The following DNAJC12 variants were observed in gnomAD, a reference collection of about 807,000 sequenced individuals.
DNAJC12 encodes the protein dnaJ homolog subfamily C member 12.
DNAJC12 carries 25 observed loss-of-function variants against 28.5 expected under a neutral mutation model. The ratio of observed to expected loss-of-function variants is 0.88; its 90% CI spans 0.64 to 1.22. DNAJC12 has a LOEUF of 1.22. Among genes scored for constraint, DNAJC12 ranks in the 50% most tolerant of loss-of-function variants. The pLI is 0.00. For missense variants in DNAJC12, 222 were observed against 231.7 expected (o/e 0.96, Z 0.27); for synonymous variants, 77 against 80.6 (o/e 0.95, Z 0.24).
chr10:67,815,968 A>C (rs1271046472), intron 2 of DNAJC12: 3 of 397,636 alleles, frequency 7.5e-6, no homozygotes, highest in African/African-American at 6.2e-5. Context: ...ATTTAACAAA[A>C]GTGAGTTTGG....
At chr10:67,834,316 A>G (rs1040178096) in intron 1 of DNAJC12, among the ~76,000 whole-genome samples, 2 of 152,208 alleles carry the variant, frequency 1.3e-5, no homozygotes, top group Non-Finnish European at 1.5e-5. Flanking sequence ...GCAAAATAAA[A>G]CATCTTAAAA....
intron 2 of DNAJC12, among the ~76,000 whole-genome samples, chr10:67,813,763 A>G (rs1210497225): frequency 9.0e-6 from 1 of 110,764 alleles, no homozygotes; most frequent in African/African-American, 3.3e-5. Flanking sequence ...GTCTCAAAAG[A>G]AAAAAAAAAA....
chr10:67,824,592 C>T (rs1461068851), intron 1 of DNAJC12, among the ~76,000 whole-genome samples: 1 of 152,068 alleles, frequency 6.6e-6, no homozygotes, highest in East Asian at 1.9e-4. Context: ...TTTGATTTCA[C>T]TTACCCATCT....
chr10:67,809,861 A>G (rs553054340), intron 3 of DNAJC12, among the ~76,000 whole-genome samples: 1 of 152,242 alleles, frequency 6.6e-6, no homozygotes, highest in Non-Finnish European at 1.5e-5. Context: ...TGGGACGGAG[A>G]GTGAAGGATA....
At chr10:67,805,884 G>T in intron 3 of DNAJC12, 97 bp from the exon 4 acceptor site, 1 of 912,570 alleles carries the variant, frequency 1.1e-6, no homozygotes, top group Non-Finnish European at 1.6e-6. Context: ...ACCTACTACT[G>T]TAGTGCTAAT....
chr10:67,821,804 A>G (rs1047854024), intron 2 of DNAJC12, among the ~76,000 whole-genome samples: 1 of 152,204 alleles, frequency 6.6e-6, no homozygotes, highest in African/African-American at 2.4e-5. Context: ...GACACAGTAG[A>G]GAGAGATGAG....
intron 4 of DNAJC12, among the ~76,000 whole-genome samples, chr10:67,801,752 T>C (rs1321471271): frequency 7.2e-6 from 1 of 139,424 alleles, no homozygotes; most frequent in African/African-American, 2.7e-5. Context: ...ACAGTGCCAC[T>C]GCACTCCAGC....
chr10:67,834,925 C>T (rs1842128274), intron 1 of DNAJC12, among the ~76,000 whole-genome samples: 1 of 152,086 alleles, frequency 6.6e-6, no homozygotes, highest in Admixed American at 6.6e-5. Flanking sequence ...ATATTGTTTT[C>T]TATATAACAT....
At chr10:67,800,538 A>G in intron 4 of DNAJC12, among the ~76,000 whole-genome samples, 1 of 152,252 alleles carries the variant, frequency 6.6e-6, no homozygotes. Flanking sequence ...CTCCATTGCC[A>G]GAGCAAGCCC....
At chr10:67,830,941 C>T (rs939641801) in intron 1 of DNAJC12, among the ~76,000 whole-genome samples, 4 of 152,172 alleles carry the variant, frequency 2.6e-5, no homozygotes, top group Non-Finnish European at 4.4e-5. Context: ...GTAATCCCAG[C>T]ACTTTGGGAG....
chr10:67,836,833 A>G (rs1354843403), intron 1 of DNAJC12, among the ~76,000 whole-genome samples: 9 of 151,964 alleles, frequency 5.9e-5, no homozygotes, highest in Admixed American at 5.9e-4. Flanking sequence ...TTATGAAACA[A>G]CAATAAATAT....
intron 4 of DNAJC12, among the ~76,000 whole-genome samples, chr10:67,800,672 G>A (rs1020615975): frequency 2.0e-5 from 3 of 152,146 alleles, no homozygotes; most frequent in South Asian, 4.1e-4. Flanking sequence ...TTGGTGGGAC[G>A]CGGCGGCTCA....
In DNAJC12 at chr10:67,828,674, C is replaced by A. The variant is rs57985976; in HGVS notation, c.79-5282G>T. The stretch of plus-strand genomic sequence containing the variant: ...TTCTATTTTCTCTCTCTCTCTCTCT[C>A]TATATATATATATATACACACATAT... On this transcript the variant is annotated intron_variant, in intron 1 of 4. Coordinates refer to ENST00000225171, the MANE Select transcript of DNAJC12 (RefSeq NM_021800.3). Among the ~76,000 whole-genome samples the A allele has an allele frequency of 5.5e-3, 829 of 150,626 alleles. 4 individuals are homozygous for A. Among genetic ancestry groups the A allele is most frequent in the African/African-American group, 0.014 (592 of 41,164 alleles).
At chr10:67,798,841 C>T (rs1053335149) in intron 4 of DNAJC12, among the ~76,000 whole-genome samples, 1 of 150,682 alleles carries the variant, frequency 6.6e-6, no homozygotes, top group African/African-American at 2.5e-5. Flanking sequence ...TCTCAGCTCA[C>T]CACAACCTCC....
At chr10:67,807,643 A>T (rs1255695350) in intron 3 of DNAJC12, among the ~76,000 whole-genome samples, 1 of 152,212 alleles carries the variant, frequency 6.6e-6, no homozygotes, top group African/African-American at 2.4e-5. Flanking sequence ...GGAATAAGAC[A>T]TTCAAGAATT....
At chr10:67,805,551 T>C in intron 4 of DNAJC12, 32 bp downstream of exon 4, 1 of 1,570,358 alleles carries the variant, frequency 6.4e-7, no homozygotes, top group Non-Finnish European at 8.6e-7. Flanking sequence ...TTTCAGACCT[T>C]CTCCATTCTG....
chr10:67,801,137 T>C (rs1000569621), intron 4 of DNAJC12, among the ~76,000 whole-genome samples: 2 of 152,158 alleles, frequency 1.3e-5, no homozygotes, highest in African/African-American at 2.4e-5. Flanking sequence ...AATTAGAATG[T>C]GGTGGGGGCT....
intron 4 of DNAJC12, among the ~76,000 whole-genome samples, chr10:67,801,884 C>G (rs942405436): frequency 9.7e-6 from 1 of 102,718 alleles, no homozygotes; most frequent in Non-Finnish European, 1.8e-5. Context: ...CACGGAGACA[C>G]AGGGTCTTGC....
chr10:67,805,330 A>G (rs1385245537), intron 4 of DNAJC12, among the ~76,000 whole-genome samples: 1 of 152,226 alleles, frequency 6.6e-6, no homozygotes, highest in African/African-American at 2.4e-5. Flanking sequence ...GTTCCTGCAC[A>G]TAGTAAACAT....
Sources: allele counts gnomAD v4.1 joint callset (sites outside exome capture counted in the v4.1 genomes callset), GRCh38; gene constraint gnomAD v4.1.1; transcripts MANE v1.5; gene names NCBI Gene and HGNC (gene_info 2026-07-23, HGNC 2026-07-21).